Variants in LMBRD1 observed in about 807,000 individuals in gnomAD.
LMBRD1 encodes lysosomal cobalamin transport escort protein LMBD1.
Under a neutral mutation model 74.8 loss-of-function variants are expected in LMBRD1, and 64 were observed. That is an observed-to-expected ratio of 0.86 (90% CI 0.70 to 1.05). The LOEUF is 1.05. Among genes scored for constraint, LMBRD1 ranks in the 50% least tolerant of loss-of-function variants. LMBRD1 has a pLI of 0.00. For missense variants in LMBRD1, 652 were observed against 645.9 expected (o/e 1.01, Z -0.10); for synonymous variants, 204 against 216.3 (o/e 0.94, Z 0.50).
chr6:69,722,524 A>G lies in LMBRD1; in HGVS notation c.637-3443T>C, dbSNP rs184973300. Among the ~76,000 whole-genome samples the G allele has an allele frequency of 4.6e-4, 70 of 152,328 alleles. 1 individual carries two copies. Among genetic ancestry groups the G allele is most frequent in the Admixed American group, 3.9e-3 (60 of 15,302 alleles). ...AATGAGACGTAAAGAGAAACAACAA[A>G]AAGTTTAAAAGCAGGAGGATAAAGT... On this transcript the variant is annotated intron_variant, in intron 7 of 15. Transcript: ENST00000649934.
At chr6:69,676,648 T>C (rs935080804) in intron 14 of LMBRD1, 107 bp from the exon 15 acceptor site, 4 of 886,576 alleles carry the variant, frequency 4.5e-6, no homozygotes, top group South Asian at 2.8e-5. Flanking sequence ...TAAGATCATA[T>C]GGCTAGTAAG....
intron 14 of LMBRD1, among the ~76,000 whole-genome samples, chr6:69,688,416 T>C (rs1765810716): frequency 6.6e-6 from 1 of 151,688 alleles, no homozygotes; most frequent in African/African-American, 2.4e-5. Flanking sequence ...TTTTTTTTTT[T>C]CACTTAAATC....
chr6:69,726,160 C>G (rs963664183), intron 7 of LMBRD1, among the ~76,000 whole-genome samples: 6 of 152,264 alleles, frequency 3.9e-5, no homozygotes, highest in African/African-American at 7.2e-5. Context: ...CGGAGAAATG[C>G]AAATCAAAAC....
At chr6:69,705,214 G>A in intron 9 of LMBRD1, 1 of 607,114 alleles carries the variant, frequency 1.6e-6, no homozygotes, top group South Asian at 1.6e-5. Context: ...TTATAAAAAG[G>A]ACAGCCAGAT....
At chr6:69,733,229 A>T (rs1210705814) in intron 7 of LMBRD1, among the ~76,000 whole-genome samples, 1 of 152,166 alleles carries the variant, frequency 6.6e-6, no homozygotes, top group Non-Finnish European at 1.5e-5. Flanking sequence ...GTACTCAAGT[A>T]TTAATTTCCC....
intron 4 of LMBRD1, among the ~76,000 whole-genome samples, chr6:69,751,270 G>A (rs932492657): frequency 6.6e-6 from 1 of 151,254 alleles, no homozygotes; most frequent in Non-Finnish European, 1.5e-5. Context: ...AGTGATAATG[G>A]TCGGCAGTTC....
intron 3 of LMBRD1, among the ~76,000 whole-genome samples, chr6:69,777,494 G>A (rs78307026): frequency 0.087 from 13,103 of 151,252 alleles, 758 homozygotes; most frequent in Admixed American, 0.15. Flanking sequence ...CTGCTCTTGG[G>A]AGTTCAGTGC....
chr6:69,796,090 G>C (rs1766219839), intron 1 of LMBRD1, among the ~76,000 whole-genome samples: 1 of 152,154 alleles, frequency 6.6e-6, no homozygotes, highest in African/African-American at 2.4e-5. Context: ...GCCACTCTGA[G>C]ACATTTCTAT....
At chr6:69,706,637 C>T (rs957822086) in intron 9 of LMBRD1, among the ~76,000 whole-genome samples, 1 of 152,096 alleles carries the variant, frequency 6.6e-6, no homozygotes, top group Non-Finnish European at 1.5e-5. Context: ...TATATTCTTA[C>T]TCTATTTCAT....
intron 10 of LMBRD1, among the ~76,000 whole-genome samples, 160 bp downstream of exon 10, chr6:69,701,729 T>C (rs541931239): frequency 6.6e-6 from 1 of 152,022 alleles, no homozygotes; most frequent in Non-Finnish European, 1.5e-5. Flanking sequence ...AACACTCTAT[T>C]ATTGGACGTT....
At chr6:69,700,970 G>T in intron 11 of LMBRD1, 101 bp from the exon 12 acceptor site, 1 of 817,928 alleles carries the variant, frequency 1.2e-6, no homozygotes. Flanking sequence ...TCCGGCAAAT[G>T]TTTACAGTAT....
intron 7 of LMBRD1, among the ~76,000 whole-genome samples, chr6:69,735,105 T>C (rs1766946513): frequency 6.6e-6 from 1 of 152,240 alleles, no homozygotes; most frequent in Non-Finnish European, 1.5e-5. Context: ...TACAATAATT[T>C]GCATTCATTT....
At chr6:69,787,698 G>A (rs1259547982) in intron 2 of LMBRD1, among the ~76,000 whole-genome samples, 9 of 151,786 alleles carry the variant, frequency 5.9e-5, no homozygotes, top group South Asian at 2.1e-4. Context: ...GTGAAACTCC[G>A]TCTCAAAAAA....
At chr6:69,712,569 C>T (rs1469518280) in intron 9 of LMBRD1, among the ~76,000 whole-genome samples, 2 of 151,864 alleles carry the variant, frequency 1.3e-5, no homozygotes, top group African/African-American at 4.8e-5. Flanking sequence ...TAAGAGAATC[C>T]TCTTATTTGT....
At chr6:69,681,105 C>T (rs766879921) in intron 14 of LMBRD1, among the ~76,000 whole-genome samples, 1 of 151,306 alleles carries the variant, frequency 6.6e-6, no homozygotes, top group Non-Finnish European at 1.5e-5. Flanking sequence ...ATTAAACTTC[C>T]AATTAAACTA....
At chr6:69,770,796 T>C (rs1449280348) in intron 3 of LMBRD1, among the ~76,000 whole-genome samples, 4 of 152,098 alleles carry the variant, frequency 2.6e-5, no homozygotes, top group Admixed American at 6.5e-5. Context: ...AACTATATAA[T>C]GCATCAGAAT....
chr6:69,783,832 G>C (rs774656508), intron 2 of LMBRD1, among the ~76,000 whole-genome samples: 7 of 151,734 alleles, frequency 4.6e-5, no homozygotes, highest in Non-Finnish European at 8.8e-5. Context: ...TTAAAAATTA[G>C]TTTAAAATCA....
Position 69,674,234 on chromosome 6 carries a change from T to C in LMBRD1, c.*1924A>G, listed in dbSNP as rs1542412. The stretch of plus-strand genomic sequence containing the variant: ...CATATTGGATTTGGGCTTCACGCAA[T>C]AGCCTCATTTTACTTTAATTACTTT... On this transcript the variant is annotated 3_prime_UTR_variant, in exon 16 of 16. Transcript: ENST00000649934. Among the ~76,000 whole-genome samples the C allele has an allele frequency of 0.34, 51,562 of 152,120 alleles. 9,806 individuals are homozygous for C. The highest frequency in any genetic ancestry group is 0.54 in the East Asian group (2,806 of 5,170).
chr6:69,697,573 A>T lies in LMBRD1; in HGVS notation c.1407T>A (p.Asp469Glu), dbSNP rs12648. The change falls in exon 14 of 16, where the codon GAT becomes GAA. Residue 469 changes from aspartate (D) to glutamate (E), a missense_variant. Coordinates refer to ENST00000649934, the MANE Select transcript of LMBRD1 (RefSeq NM_018368.4). Reference protein sequence around the residue: ...TLSVPKRCDADAPEDQCTVTR... With the variant: ...TLSVPKRCDAEAPEDQCTVTR... Reference sequence around the variant, plus strand: ...ACAAGCTGTTTTTACCTTCAGGAGCATCTGCATCACATCTCTTTGGCACAG... The same window carrying T: ...ACAAGCTGTTTTTACCTTCAGGAGCTTCTGCATCACATCTCTTTGGCACAG... 0.39 allele frequency: 622,785 copies of T among 1,596,448 alleles called. 125,478 individuals carry two copies. The highest frequency in any genetic ancestry group is 0.55 in the East Asian group (24,341 of 44,656).
Sources: gnomAD v4.1 joint callset for allele counts (sites outside exome capture counted in the v4.1 genomes callset) on GRCh38, gnomAD v4.1.1 for gene constraint, MANE v1.5 for transcripts, NCBI Gene and HGNC (gene_info 2026-07-23, HGNC 2026-07-21) for gene names.